The following NUDT9 variants were observed in gnomAD, a reference collection of about 807,000 sequenced individuals.
The protein encoded by NUDT9 is ADP-ribose pyrophosphatase.
A neutral mutation model predicts 41.0 loss-of-function variants in NUDT9; 31 were observed. That is an observed-to-expected ratio of 0.76 (90% CI 0.57 to 1.02). The LOEUF (loss-of-function observed/expected upper bound fraction) is 1.02, where lower values mean the gene tolerates loss of function less well. NUDT9 is among the 50% of genes least tolerant of loss of function. The pLI, the probability that NUDT9 is intolerant of heterozygous loss-of-function variation, is 0.00. For synonymous variants in NUDT9, 146 were observed against 147.6 expected (o/e 0.99, Z 0.08); for missense variants, 380 against 431.4 (o/e 0.88, Z 1.06).
In NUDT9 at chr4:87,440,770, C is replaced by T. The variant is rs191529352; in HGVS notation, c.444-1059C>T. ...CTGAGGCAGGAGAATTGCTTGAACC[C>T]GGGAGACGGAGGTTGCAGTGAGCTG... On this transcript the variant is annotated intron_variant, in intron 3 of 7. Transcript: ENST00000302174. 4.6e-3 allele frequency among the ~76,000 whole-genome samples: 703 copies of T among 151,950 alleles called. 1 individual carries two copies. The highest frequency in any genetic ancestry group is 0.016 in the African/African-American group (663 of 41,414).
In NUDT9 at chr4:87,454,397, T is replaced by C. The variant is rs772721144; in HGVS notation, c.816T>C (p.Pro272=). ...LVIYKGYVDD[P]RNTDNAWMET... ...TATATAAGGGATATGTTGATGATCC[T>C]CGAAACACTGATAATGCATGGATGG... Residue 272 remains proline (P), a synonymous_variant, in exon 7 of 8, where the codon CCT becomes CCC. Coordinates refer to ENST00000302174, the MANE Select transcript of NUDT9 (RefSeq NM_024047.5). 6 of 1,612,104 alleles carry C rather than the reference T, an allele frequency of 3.7e-6. No homozygotes were observed. The highest frequency in any genetic ancestry group is 3.4e-6 in the Non-Finnish European group (4 of 1,178,330).
intron 2 of NUDT9, among the ~76,000 whole-genome samples, chr4:87,437,388 T>A (rs890172315): frequency 2.0e-5 from 3 of 152,112 alleles, no homozygotes; most frequent in Non-Finnish European, 4.4e-5. Flanking sequence ...TCGCCCAGGC[T>A]GGAGTGCAGT....
At chr4:87,436,868 C>G (rs1346974422) in intron 2 of NUDT9, among the ~76,000 whole-genome samples, 1 of 152,134 alleles carries the variant, frequency 6.6e-6, no homozygotes, top group Admixed American at 6.5e-5. Context: ...CTATCCAGTG[C>G]TATGTAACTC....
intron 4 of NUDT9, among the ~76,000 whole-genome samples, chr4:87,447,711 GT>G (rs1006065701): frequency 2.0e-5 from 3 of 151,928 alleles, no homozygotes; most frequent in African/African-American, 4.8e-5. Flanking sequence ...AAAGGATAGA[GT>G]TTTTTTTGTT....
chr4:87,427,424 G>A (rs534323782), intron 1 of NUDT9, among the ~76,000 whole-genome samples: 6 of 152,278 alleles, frequency 3.9e-5, no homozygotes, highest in African/African-American at 1.2e-4. Flanking sequence ...CAATACAAAG[G>A]TCAAGGCTGT....
intron 2 of NUDT9, among the ~76,000 whole-genome samples, chr4:87,438,017 G>A (rs1334081615): frequency 6.6e-6 from 1 of 151,830 alleles, no homozygotes; most frequent in African/African-American, 2.4e-5. Context: ...TCTTCTGCTG[G>A]TAGTCCTTCC....
At chr4:87,435,545 G>C (rs1253036325) in intron 2 of NUDT9, among the ~76,000 whole-genome samples, 3 of 152,184 alleles carry the variant, frequency 2.0e-5, no homozygotes, top group Admixed American at 6.5e-5. Flanking sequence ...TTGTTTTCAT[G>C]TGTTCTATTT....
At chr4:87,447,192 G>A (rs1276429768) in intron 4 of NUDT9, among the ~76,000 whole-genome samples, 2 of 151,988 alleles carry the variant, frequency 1.3e-5, no homozygotes, top group African/African-American at 4.8e-5. Flanking sequence ...TTTGTTTCTT[G>A]CTTATGTATT....
At chr4:87,451,089 C>T (rs1373581496) in intron 5 of NUDT9, among the ~76,000 whole-genome samples, 2 of 152,164 alleles carry the variant, frequency 1.3e-5, no homozygotes, top group Non-Finnish European at 2.9e-5. Context: ...TAAGAGAAGA[C>T]CTCCCTGAGG....
intron 1 of NUDT9, among the ~76,000 whole-genome samples, chr4:87,430,319 G>C (rs1297777259): frequency 6.6e-6 from 1 of 152,056 alleles, no homozygotes; most frequent in Non-Finnish European, 1.5e-5. Flanking sequence ...GACCTGTGTT[G>C]GACTTCTAAC....
intron 3 of NUDT9, among the ~76,000 whole-genome samples, chr4:87,440,716 C>T (rs1722168408): frequency 6.6e-6 from 1 of 151,992 alleles, no homozygotes; most frequent in Non-Finnish European, 1.5e-5. Flanking sequence ...CGTGGTGGTG[C>T]ATGCCTGTAA....
chr4:87,453,471 C>A lies in NUDT9; in HGVS notation c.790-900C>A, dbSNP rs1286445694. The stretch of plus-strand genomic sequence containing the variant: ...TTTGAGACAGTGTCTGGCTCTGTCA[C>A]CAGGCTGGAGTGCAGTGATGCGATC... On this transcript the variant is annotated intron_variant, in intron 6 of 7. Transcript: ENST00000302174. Among the ~76,000 whole-genome samples the A allele has an allele frequency of 3.3e-5, 5 of 152,112 alleles. No individual in the cohort carries two copies. The East Asian group carries it at 7.7e-4, about 24-fold the overall frequency.
chr4:87,450,461 C>T (rs1722663066), intron 5 of NUDT9, among the ~76,000 whole-genome samples: 2 of 149,970 alleles, frequency 1.3e-5, no homozygotes, highest in Non-Finnish European at 3.0e-5. Flanking sequence ...CTTACTGCAG[C>T]CTCCACCTCC....
chr4:87,447,110 C>T (rs184634393), intron 4 of NUDT9, among the ~76,000 whole-genome samples: 1 of 152,334 alleles, frequency 6.6e-6, no homozygotes, highest in African/African-American at 2.4e-5. Context: ...TATCTTTTCC[C>T]TCACTGATGC....
At chr4:87,424,743 G>A (rs1014084841) in intron 1 of NUDT9, among the ~76,000 whole-genome samples, 18 of 152,136 alleles carry the variant, frequency 1.2e-4, no homozygotes, top group African/African-American at 4.3e-4. Context: ...ATTTGAGGAA[G>A]GAAGGAATAC....
intron 1 of NUDT9, among the ~76,000 whole-genome samples, chr4:87,429,525 C>T (rs889326134): frequency 6.6e-6 from 1 of 152,060 alleles, no homozygotes; most frequent in Non-Finnish European, 1.5e-5. Context: ...AGGCATACCT[C>T]ACTTTATTTG....
chr4:87,453,898 GCC>G (rs1259662643), intron 6 of NUDT9, among the ~76,000 whole-genome samples: 2 of 122,900 alleles, frequency 1.6e-5, no homozygotes, highest in Non-Finnish European at 3.3e-5. Context: ...TCGCTGTGTT[GCC>G]CAGGCTGGAG....
chr4:87,424,926 A>G (rs1340692923), intron 1 of NUDT9, among the ~76,000 whole-genome samples: 1 of 152,220 alleles, frequency 6.6e-6, no homozygotes, highest in Non-Finnish European at 1.5e-5. Flanking sequence ...AACAGTTAAC[A>G]AATGTGCCAA....
intron 1 of NUDT9, among the ~76,000 whole-genome samples, chr4:87,423,658 ATAATTTACTTACTGT>A (rs1394357907): frequency 6.6e-6 from 1 of 152,192 alleles, no homozygotes; most frequent in Non-Finnish European, 1.5e-5. Context: ...TATTTCCTAA[ATAATTTACTTACTGT>A]TGGTCAATTG....
Sources: gnomAD v4.1 joint callset for allele counts (sites outside exome capture counted in the v4.1 genomes callset) on GRCh38, gnomAD v4.1.1 for gene constraint, MANE v1.5 for transcripts, NCBI Gene and HGNC (gene_info 2026-07-23, HGNC 2026-07-21) for gene names.